Variants in CDH13 observed in about 807,000 individuals in gnomAD.
The protein encoded by CDH13 is cadherin 13, also known as cadherin-13.
A neutral mutation model predicts 63.8 loss-of-function variants in CDH13; 24 were observed. The ratio of observed to expected loss-of-function variants is 0.38; its 90% CI spans 0.27 to 0.53. CDH13 has a LOEUF of 0.53. CDH13 is among the 20% of genes least tolerant of loss of function. The probability of loss-of-function intolerance (pLI) is 0.85; values close to 1 mark genes in which losing one functional copy is unlikely to be tolerated. For missense variants in CDH13, 1,049 were observed against 903.1 expected (o/e 1.16, Z -2.07); for synonymous variants, 503 against 355.3 (o/e 1.42, Z -4.67).
intron 1 of CDH13, among the ~76,000 whole-genome samples, chr16:82,654,376 G>C (rs570805615): frequency 1.2e-4 from 19 of 152,308 alleles, no homozygotes; most frequent in African/African-American, 4.6e-4. Flanking sequence ...TTCCCCTTGA[G>C]TTGTTTTGAG....
At chr16:83,357,226 C>G (rs1003253006) in intron 6 of CDH13, among the ~76,000 whole-genome samples, 1 of 152,162 alleles carries the variant, frequency 6.6e-6, no homozygotes, top group East Asian at 1.9e-4. Flanking sequence ...CTCATTTCTG[C>G]AATTTTACCC....
chr16:83,131,948 G>T (rs1351266932), intron 4 of CDH13, among the ~76,000 whole-genome samples: 1 of 152,134 alleles, frequency 6.6e-6, no homozygotes, highest in African/African-American at 2.4e-5. Context: ...TGTCATGAAC[G>T]TAAGTCAGAC....
intron 4 of CDH13, among the ~76,000 whole-genome samples, chr16:83,167,507 A>C (rs1171078913): frequency 6.5e-5 from 7 of 106,906 alleles, no homozygotes; most frequent in South Asian, 3.2e-4. Context: ...CCCAAAAAAA[A>C]AAAAAAAAAA....
At chr16:83,653,808 C>G (rs896635333) in intron 8 of CDH13, among the ~76,000 whole-genome samples, 6 of 152,192 alleles carry the variant, frequency 3.9e-5, no homozygotes, top group African/African-American at 7.2e-5. Context: ...AGGGACAACA[C>G]TCATGACAGA....
chr16:83,498,860 G>C (rs2074207558), intron 7 of CDH13, among the ~76,000 whole-genome samples: 1 of 152,210 alleles, frequency 6.6e-6, no homozygotes, highest in Admixed American at 6.5e-5. Flanking sequence ...ATATGGGCCA[G>C]GTGGGCTTTT....
intron 12 of CDH13, among the ~76,000 whole-genome samples, chr16:83,782,855 A>G (rs1489099931): frequency 6.6e-6 from 1 of 152,056 alleles, no homozygotes; most frequent in African/African-American, 2.4e-5. Context: ...AGCTTTCTAG[A>G]TGTGGAACGC....
At chr16:82,881,828 G>A (rs1447524223) in intron 2 of CDH13, among the ~76,000 whole-genome samples, 2 of 152,026 alleles carry the variant, frequency 1.3e-5, no homozygotes, top group South Asian at 2.1e-4. Flanking sequence ...CATGTCACCT[G>A]GTTCATGACC....
intron 11 of CDH13, among the ~76,000 whole-genome samples, chr16:83,764,535 C>T (rs566119273): frequency 6.6e-4 from 100 of 152,218 alleles, no homozygotes; most frequent in African/African-American, 2.4e-3. Context: ...CACTGGAGTC[C>T]CCCTTCCCCA....
chr16:82,639,357 C>T (rs919904025), intron 1 of CDH13: 2 of 1,533,552 alleles, frequency 1.3e-6, no homozygotes, highest in South Asian at 1.2e-5. Context: ...TGCTTTTGAC[C>T]AGGGCCAAAC....
chr16:83,073,000 A>AGAAACACT (rs979371997), intron 3 of CDH13, among the ~76,000 whole-genome samples: 44 of 152,336 alleles, frequency 2.9e-4, no homozygotes, highest in Admixed American at 2.8e-3. Flanking sequence ...AGGATGTGAA[A>AGAAACACT]GAAACACTTT....
intron 6 of CDH13, among the ~76,000 whole-genome samples, chr16:83,471,275 C>CCT (rs371384083): frequency 8.2e-6 from 1 of 121,998 alleles, no homozygotes; most frequent in East Asian, 2.4e-4. Flanking sequence ...TCTAACCACC[C>CCT]TTTTTTTTTT....
chr16:83,048,986 TC>T (rs1352455855), intron 3 of CDH13, among the ~76,000 whole-genome samples: 1 of 152,250 alleles, frequency 6.6e-6, no homozygotes, highest in East Asian at 1.9e-4. Context: ...TGGTGAAAAT[TC>T]TCTCTTTTGA....
intron 4 of CDH13, among the ~76,000 whole-genome samples, chr16:83,169,158 C>T (rs2037814150): frequency 6.6e-6 from 1 of 151,040 alleles, no homozygotes; most frequent in Non-Finnish European, 1.5e-5. Context: ...TTACCTTATG[C>T]TTGCCGGCAT....
chr16:83,007,786 T>C (rs953158962), intron 2 of CDH13, among the ~76,000 whole-genome samples: 1 of 149,794 alleles, frequency 6.7e-6, no homozygotes, highest in Non-Finnish European at 1.5e-5. Context: ...ATCACACCAC[T>C]GCACTCTAGT....
intron 3 of CDH13, among the ~76,000 whole-genome samples, chr16:83,060,422 G>A (rs189792402): frequency 1.3e-3 from 204 of 152,300 alleles, no homozygotes; most frequent in African/African-American, 4.7e-3. Context: ...AAGACAAAGT[G>A]TGAAAGGGAA....
chr16:82,996,807 ATGGTGG>A (rs1273510455), intron 2 of CDH13, among the ~76,000 whole-genome samples: 3 of 150,616 alleles, frequency 2.0e-5, no homozygotes, highest in Admixed American at 1.3e-4. Flanking sequence ...GGTGATGGTG[ATGGTGG>A]TGATGATGAT....
At chr16:83,703,380 C>T (rs540567388) in intron 10 of CDH13, among the ~76,000 whole-genome samples, 60 of 152,296 alleles carry the variant, frequency 3.9e-4, no homozygotes, top group African/African-American at 1.3e-3. Flanking sequence ...TAGAAAACAG[C>T]CCCAGTGTCC....
At chr16:83,559,662 G>T (rs755393678) in intron 7 of CDH13, among the ~76,000 whole-genome samples, 4 of 151,922 alleles carry the variant, frequency 2.6e-5, no homozygotes, top group Non-Finnish European at 5.9e-5. Flanking sequence ...AGCGAGGGAA[G>T]GAAAAATTGA....
chr16:82,942,405 C>G (rs1340579236), intron 2 of CDH13, among the ~76,000 whole-genome samples: 1 of 152,152 alleles, frequency 6.6e-6, no homozygotes, highest in Non-Finnish European at 1.5e-5. Flanking sequence ...TTTTAATCAT[C>G]TTCCTTTTTA....
Sources: allele counts gnomAD v4.1 joint callset (sites outside exome capture counted in the v4.1 genomes callset), GRCh38; gene constraint gnomAD v4.1.1; transcripts MANE v1.5; gene names NCBI Gene and HGNC (gene_info 2026-07-23, HGNC 2026-07-21).